Variants in KCNMA1 observed in about 807,000 individuals in gnomAD.
KCNMA1 encodes the protein potassium calcium-activated channel subfamily M alpha 1.
KCNMA1 carries 29 observed loss-of-function variants against 140.0 expected under a neutral mutation model. The ratio of observed to expected loss-of-function variants is 0.21; its 90% confidence interval spans 0.15 to 0.28. KCNMA1 has a LOEUF of 0.28. Among genes scored for constraint, KCNMA1 ranks in the 10% least tolerant of loss-of-function variants. The pLI, the probability that KCNMA1 is intolerant of heterozygous loss-of-function variation, is 1.00. For missense variants in KCNMA1, 880 were observed against 1,602.2 expected (o/e 0.55, Z 7.70); for synonymous variants, 612 against 611.9 (o/e 1.00, Z 0.00).
chr10:77,382,959 C>CAT (rs2095460038), intron 2 of KCNMA1, among the ~76,000 whole-genome samples: 1 of 77,000 alleles, frequency 1.3e-5, no homozygotes, highest in Non-Finnish European at 2.6e-5. Context: ...CATATATATA[C>CAT]GTGTGTGTGT....
chr10:77,583,153 C>A (rs2076327289), intron 1 of KCNMA1, among the ~76,000 whole-genome samples: 1 of 152,086 alleles, frequency 6.6e-6, no homozygotes, highest in South Asian at 2.1e-4. Flanking sequence ...AGAGCCTGGC[C>A]CTTGTAGCTC....
intron 2 of KCNMA1, among the ~76,000 whole-genome samples, chr10:77,299,178 A>C (rs574425762): frequency 4.1e-4 from 62 of 152,316 alleles, no homozygotes; most frequent in African/African-American, 1.5e-3. Context: ...GGAAAGTTGA[A>C]GACCACACCC....
intron 1 of KCNMA1, among the ~76,000 whole-genome samples, chr10:77,611,164 T>C (rs2086720585): frequency 6.6e-6 from 1 of 152,242 alleles, no homozygotes; most frequent in Non-Finnish European, 1.5e-5. Flanking sequence ...CTTGCAGACC[T>C]TGTTTTCCAT....
intron 8 of KCNMA1, among the ~76,000 whole-genome samples, chr10:77,109,345 G>A (rs995439866): frequency 2.0e-5 from 3 of 152,040 alleles, no homozygotes; most frequent in Non-Finnish European, 4.4e-5. Context: ...ATGTGCGCAC[G>A]GTGTACATAC....
At chr10:77,129,421 A>C (rs2097804800) in intron 5 of KCNMA1, among the ~76,000 whole-genome samples, 1 of 152,124 alleles carries the variant, frequency 6.6e-6, no homozygotes, top group African/African-American at 2.4e-5. Context: ...AGAATGCTTT[A>C]TTTTTTCTCC....
chr10:77,506,596 A>AGAGAGAGAGTGTGTGTGTGTGT lies in KCNMA1; in HGVS notation c.379-102574_379-102573insACACACACACACACTCTCTCTC. On this transcript the variant is annotated intron_variant, in intron 1 of 27. Coordinates refer to ENST00000286628, the MANE Select transcript of KCNMA1 (RefSeq NM_001161352.2). ...TAGAGAGAGAGAGAGAGAGAGAGAG[A>AGAGAGAGAGTGTGTGTGTGTGT]GTGTGTGTGTGTGTGTGTGTGTGTT... 3.6e-4 allele frequency among the ~76,000 whole-genome samples: 30 copies of AGAGAGAGAGTGTGTGTGTGTGT among 83,564 alleles called. 3 individuals carry two copies. Among genetic ancestry groups the AGAGAGAGAGTGTGTGTGTGTGT allele is most frequent in the African/African-American group, 1.9e-3 (26 of 13,408 alleles). 54.8% of individuals were successfully genotyped at this position (83,564 alleles called of 152,430 possible).
At chr10:77,634,069 C>G in intron 1 of KCNMA1, 1 of 791,468 alleles carries the variant, frequency 1.3e-6, no homozygotes, top group Non-Finnish European at 1.5e-6. Context: ...TCAATCCCCA[C>G]ATTTTATACA....
At chr10:77,580,458 T>C (rs918944454) in intron 1 of KCNMA1, among the ~76,000 whole-genome samples, 2 of 152,028 alleles carry the variant, frequency 1.3e-5, no homozygotes, top group African/African-American at 2.4e-5. Flanking sequence ...CCTGTGATAT[T>C]GGTAACTGAC....
chr10:77,271,841 A>C lies in KCNMA1; in HGVS notation c.541-20585T>G, dbSNP rs537533652. 1.4e-4 allele frequency among the ~76,000 whole-genome samples: 22 copies of C among 152,078 alleles called. No homozygotes were observed. The South Asian group carries it at 4.4e-3, about 30-fold the overall frequency. ...CACCACAACCCCACACCCTGGGGGA[A>C]AAAAAAAGCTCAGATACTCTGAAAT... On this transcript the variant is annotated intron_variant, in intron 2 of 27. Coordinates refer to ENST00000286628, the MANE Select transcript of KCNMA1 (RefSeq NM_001161352.2).
rs559123787 is a variant in KCNMA1 at position 77,499,914 on chromosome 10, G to C, written c.379-95891C>G. On this transcript the variant is annotated intron_variant, in intron 1 of 27. Transcript: ENST00000286628. The stretch of plus-strand genomic sequence containing the variant: ...TAATAAGTAGAAGTTTTAAATATCA[G>C]ATTATACCATAAAAGCATGAGTGTA... 1.0e-3 allele frequency among the ~76,000 whole-genome samples: 153 copies of C among 152,162 alleles called. 1 individual carries two copies. Among genetic ancestry groups the C allele is most frequent in the African/African-American group, 3.6e-3 (148 of 41,546 alleles).
chr10:76,995,666 T>C (rs12240791), intron 19 of KCNMA1: 7,653 of 470,898 alleles, frequency 0.016, 509 homozygotes, highest in African/African-American at 0.14. Flanking sequence ...ATTCACTGCC[T>C]GGTGGTAGAA....
intron 1 of KCNMA1, among the ~76,000 whole-genome samples, chr10:77,425,991 C>G (rs1260632780): frequency 2.0e-5 from 3 of 152,120 alleles, no homozygotes; most frequent in Non-Finnish European, 4.4e-5. Flanking sequence ...AGATGGCAGG[C>G]CAAAGAGGGA....
At chr10:76,898,633 G>A in intron 25 of KCNMA1, among the ~76,000 whole-genome samples, 1 of 151,460 alleles carries the variant, frequency 6.6e-6, no homozygotes, top group Non-Finnish European at 1.5e-5. Flanking sequence ...AAATATTCCA[G>A]AACATCAAAA....
intron 3 of KCNMA1, among the ~76,000 whole-genome samples, chr10:77,208,642 T>C (rs2044981639): frequency 6.6e-6 from 1 of 152,204 alleles, no homozygotes; most frequent in Non-Finnish European, 1.5e-5. Context: ...CTACTGTCCA[T>C]CTTATGGGAT....
chr10:77,350,186 A>G (rs1481964428), intron 2 of KCNMA1: 1 of 152,260 alleles, frequency 6.6e-6, no homozygotes, highest in Non-Finnish European at 1.5e-5. Flanking sequence ...AGCATGATCC[A>G]CTGTGCCCAG....
chr10:76,925,658 T>C (rs956100791), intron 23 of KCNMA1, among the ~76,000 whole-genome samples: 6 of 152,214 alleles, frequency 3.9e-5, no homozygotes, highest in Non-Finnish European at 7.3e-5. Flanking sequence ...ATGTTCTTGG[T>C]GCTATGGGCT....
At chr10:77,382,906 A>ACC (rs2095453004) in intron 2 of KCNMA1, among the ~76,000 whole-genome samples, 1 of 137,496 alleles carries the variant, frequency 7.3e-6, no homozygotes, top group African/African-American at 2.7e-5. Flanking sequence ...ATATATATAC[A>ACC]CACACACACA....
intron 7 of KCNMA1, among the ~76,000 whole-genome samples, chr10:77,112,072 G>C (rs2097338781): frequency 6.6e-6 from 1 of 152,136 alleles, no homozygotes; most frequent in Non-Finnish European, 1.5e-5. Context: ...CTGCCATCTT[G>C]TGGCTTACTA....
intron 1 of KCNMA1, chr10:77,636,079 G>A (rs2093692905): frequency 2.1e-6 from 1 of 481,256 alleles, no homozygotes; most frequent in African/African-American, 2.0e-5. Context: ...AACATGTGGA[G>A]GCTGCAATGT....
Sources: gnomAD v4.1 joint callset for allele counts (sites outside exome capture counted in the v4.1 genomes callset) on GRCh38, gnomAD v4.1.1 for gene constraint, MANE v1.5 for transcripts, NCBI Gene and HGNC (gene_info 2026-07-23, HGNC 2026-07-21) for gene names.